Variants in ARMC9 observed in about 807,000 individuals in gnomAD.
The protein encoded by ARMC9 is armadillo repeat containing 9, also known as lisH domain-containing protein ARMC9.
A neutral mutation model predicts 107.0 loss-of-function variants in ARMC9; 94 were observed. The observed-to-expected ratio is 0.88, with a 90% CI of 0.74 to 1.04. The LOEUF is 1.04. Ranked by LOEUF, ARMC9 falls within the 50% of genes least tolerant of loss-of-function variation. The pLI is 0.00. For synonymous variants in ARMC9, 380 were observed against 396.9 expected, an observed-to-expected ratio of 0.96 and a Z score of 0.51; for missense variants, 942 against 1,030.1, an observed-to-expected ratio of 0.91 and a Z score of 1.17.
chr2:231,304,960 C>CT (rs1210967266), intron 19 of ARMC9, among the ~76,000 whole-genome samples: 1 of 152,192 alleles, frequency 6.6e-6, no homozygotes, highest in Non-Finnish European at 1.5e-5. Context: ...TAACCATAGT[C>CT]TGTCAGTTAC....
chr2:231,308,879 G>T (rs2042180471), intron 19 of ARMC9, among the ~76,000 whole-genome samples: 2 of 152,230 alleles, frequency 1.3e-5, no homozygotes, highest in South Asian at 4.1e-4. Context: ...CCATGAATCA[G>T]TCACCTCTGA....
chr2:231,336,718 G>T (rs1013620377), intron 20 of ARMC9, among the ~76,000 whole-genome samples: 2 of 152,232 alleles, frequency 1.3e-5, no homozygotes, highest in Non-Finnish European at 2.9e-5. Context: ...TAAAGTGCAG[G>T]TTCCTGGCCC....
At chr2:231,329,825 T>G (rs902036884) in intron 19 of ARMC9, among the ~76,000 whole-genome samples, 1 of 152,182 alleles carries the variant, frequency 6.6e-6, no homozygotes, top group South Asian at 2.1e-4. Flanking sequence ...GGAGGGTTTT[T>G]TGTGTGTGTA....
chr2:231,318,027 C>T (rs1042460839), intron 19 of ARMC9, among the ~76,000 whole-genome samples: 2 of 150,814 alleles, frequency 1.3e-5, no homozygotes, highest in Non-Finnish European at 2.9e-5. Flanking sequence ...TCTATTTTTC[C>T]CCCAAGGACA....
Position 231,257,802 on chromosome 2 carries a change from C to CT in ARMC9, c.914+1183dup, listed in dbSNP as rs2037970631. Among the ~76,000 whole-genome samples, 20 of 152,296 alleles carry CT rather than the reference C, an allele frequency of 1.3e-4. No homozygotes were observed. In the South Asian group the frequency reaches 4.1e-3, roughly 32 times the overall value. The stretch of plus-strand genomic sequence containing the variant: ...GTAGTATTACACCAAAATTAGGAAA[C>CT]TATCATTGATACAGTACTGTGAACT... On this transcript the variant is annotated intron_variant, in intron 10 of 24. Transcript: ENST00000611582.
chr2:231,334,412 A>G (rs2043946849), intron 20 of ARMC9, among the ~76,000 whole-genome samples: 1 of 152,168 alleles, frequency 6.6e-6, no homozygotes. Flanking sequence ...CAACATGCCA[A>G]TCCCTGGCCT....
At chr2:231,351,321 AC>A (rs1442740623) in intron 21 of ARMC9, among the ~76,000 whole-genome samples, 2 of 151,772 alleles carry the variant, frequency 1.3e-5, no homozygotes, top group Non-Finnish European at 2.9e-5. Flanking sequence ...AGCAGAGAGA[AC>A]CTGGATCTGC....
intron 17 of ARMC9, among the ~76,000 whole-genome samples, chr2:231,282,589 G>C (rs1416473051): frequency 6.6e-6 from 1 of 152,190 alleles, no homozygotes; most frequent in Non-Finnish European, 1.5e-5. Flanking sequence ...AAAACAACTA[G>C]AGTTTTGTCT....
rs775351588 is a variant in ARMC9, at chr2:231,272,940, C to G, written c.1211-15C>G. On this transcript the variant is annotated splice_polypyrimidine_tract_variant and intron_variant, in intron 13 of 24. Transcript: ENST00000611582. Reference sequence around the variant, plus strand: ...TTTCTGTCTTTCACCTGTTTCATCTCTGGTGTATTATCAGGTCGCCTCTAC... The same window carrying G: ...TTTCTGTCTTTCACCTGTTTCATCTGTGGTGTATTATCAGGTCGCCTCTAC... 1.1e-5 allele frequency: 17 copies of G among 1,607,104 alleles called. No homozygotes were observed. Among genetic ancestry groups the G allele is most frequent in the Non-Finnish European group, 1.4e-5 (16 of 1,178,068 alleles).
rs2045313383 is a variant in ARMC9 at position 231,355,707 on chromosome 2, C to A, written c.1995-91C>A. The A allele has an allele frequency of 2.9e-6, 4 of 1,398,564 alleles. No homozygotes were observed. In the South Asian group the frequency reaches 4.2e-5, roughly 15 times the overall value. 86.6% of individuals were successfully genotyped at this position (1,398,564 alleles called of 1,614,324 possible). A position where few individuals can be genotyped will look rare whatever the true frequency, so the allele number is the denominator to read the frequency against. On this transcript the variant is annotated intron_variant, in intron 21 of 24. Coordinates refer to ENST00000611582, the MANE Select transcript of ARMC9 (RefSeq NM_001352754.2). ...TTAACAAGACTTTGAGGCACCGCCCCCTCCTGTATTTGTGATGCTGCAGTC... is the reference window on the plus strand; with the variant it reads ...TTAACAAGACTTTGAGGCACCGCCCACTCCTGTATTTGTGATGCTGCAGTC...
chr2:231,375,515 T>C lies in ARMC9; in HGVS notation c.*3980T>C, dbSNP rs951139899. 6.6e-6 allele frequency among the ~76,000 whole-genome samples: 1 copy of C among 152,254 alleles called. No individual in the cohort carries two copies. The highest frequency in any genetic ancestry group is 1.5e-5 in the Non-Finnish European group (1 of 68,048). On this transcript the variant is annotated 3_prime_UTR_variant, in exon 25 of 25. Transcript: ENST00000611582. The surrounding 1 kb of genome is among the most constrained non-coding windows in gnomAD (Gnocchi z 4.3). ...TTAGGGCTGTTTTTCCATTGTGGTA[T>C]ACCCTCTCCATTTAGATTCAATTGA...
At chr2:231,296,968 G>T (rs6751695) in intron 19 of ARMC9, among the ~76,000 whole-genome samples, 2 of 152,086 alleles carry the variant, frequency 1.3e-5, no homozygotes, top group Admixed American at 6.5e-5. Flanking sequence ...AGTGAATGCT[G>T]GAACATTTTC....
intron 7 of ARMC9, among the ~76,000 whole-genome samples, chr2:231,231,681 A>G (rs2035233821): frequency 7.0e-6 from 1 of 142,926 alleles, no homozygotes; most frequent in African/African-American, 2.7e-5. Flanking sequence ...ACCATGCCCC[A>G]CCTGAAAAAA....
intron 7 of ARMC9, 100 bp from the exon 8 acceptor site, chr2:231,235,124 A>G (rs2035588605): frequency 7.7e-7 from 1 of 1,305,778 alleles, no homozygotes; most frequent in Non-Finnish European, 1.0e-6. Context: ...GTTACAAGAA[A>G]ACATTCTGGC....
At chr2:231,307,450 G>A (rs1302065790) in intron 19 of ARMC9, among the ~76,000 whole-genome samples, 5 of 152,160 alleles carry the variant, frequency 3.3e-5, no homozygotes, top group African/African-American at 1.2e-4. Flanking sequence ...AGCACACTTG[G>A]GGGCAAATGT....
rs140128380 is a variant in ARMC9, at chr2:231,219,167, A to C, written c.504+2374A>C. ...CCTTTTTTTTTTTGTCAAGTATCTT[A>C]GTTATATATTTTAAATGTACAAATT... On this transcript the variant is annotated intron_variant, in intron 5 of 24. Coordinates refer to ENST00000611582, the MANE Select transcript of ARMC9 (RefSeq NM_001352754.2). Among the ~76,000 whole-genome samples the C allele has an allele frequency of 5.4e-3, 811 of 150,650 alleles. 12 individuals carry two copies. Among genetic ancestry groups the C allele is most frequent in the African/African-American group, 0.019 (779 of 40,990 alleles).
chr2:231,332,924 A>G (rs528300167), intron 20 of ARMC9, among the ~76,000 whole-genome samples: 1 of 152,280 alleles, frequency 6.6e-6, no homozygotes, highest in Admixed American at 6.5e-5. Context: ...GTGTTGGAGA[A>G]GAAGGGTGGA....
chr2:231,306,137 G>T (rs1441724275), intron 19 of ARMC9, among the ~76,000 whole-genome samples: 1 of 152,132 alleles, frequency 6.6e-6, no homozygotes, highest in East Asian at 1.9e-4. Flanking sequence ...GTTTCATCCA[G>T]CTTCTTTGGA....
At chr2:231,199,129 G>A (rs1382024600) in intron 1 of ARMC9, among the ~76,000 whole-genome samples, 2 of 152,178 alleles carry the variant, frequency 1.3e-5, no homozygotes, top group Non-Finnish European at 2.9e-5. Flanking sequence ...GGAAAAACAG[G>A]ATGCGTGCTA....
Sources: gnomAD v4.1 joint callset for allele counts (sites outside exome capture counted in the v4.1 genomes callset) on GRCh38, gnomAD v4.1.1 for gene constraint, Gnocchi (gnomAD v3.1) non-coding constraint, MANE v1.5 for transcripts, NCBI Gene and HGNC (gene_info 2026-07-23, HGNC 2026-07-21) for gene names.